SLC9A3: variants seen among roughly 807,000 people sequenced by gnomAD.
SLC9A3 encodes the protein solute carrier family 9 member A3.
SLC9A3 carries 37 observed loss-of-function variants against 86.8 expected under a neutral mutation model. The ratio of observed to expected loss-of-function variants is 0.43; its 90% CI spans 0.33 to 0.56. The LOEUF (loss-of-function observed/expected upper bound fraction) is 0.56. SLC9A3 is among the 20% of genes least tolerant of loss of function. The pLI is 0.06. For missense variants in SLC9A3, 1,011 were observed against 1,171.9 expected (o/e 0.86, Z 2.00); for synonymous variants, 581 against 528.3 (o/e 1.10, Z -1.37).
rs1211929075 is a variant in SLC9A3, at chr5:497,011, C to T, written c.212-4940G>A. ...TTGAGGCTGCAGTGAGCCAAGATCA[C>T]ACCACTACATTCCAGCCTGGGCGAC... On this transcript the variant is annotated intron_variant, in intron 1 of 16. Coordinates refer to ENST00000264938, the MANE Select transcript of SLC9A3 (RefSeq NM_004174.4). The surrounding 1 kb of genome is among the most constrained non-coding windows in gnomAD (Gnocchi z 5.4). 1.3e-5 allele frequency among the ~76,000 whole-genome samples: 2 copies of T among 152,114 alleles called. No individual in the cohort carries two copies. Among genetic ancestry groups the T allele is most frequent in the Non-Finnish European group, 2.9e-5 (2 of 68,006 alleles).
At chr5:509,993 G>T (rs896433706) in intron 1 of SLC9A3, among the ~76,000 whole-genome samples, 21 of 152,356 alleles carry the variant, frequency 1.4e-4, no homozygotes, top group Middle Eastern at 3.4e-3. Flanking sequence ...GAGCAAGGAT[G>T]GGGGAGGCTT....
At chr5:511,706 G>A (rs1187124759) in intron 1 of SLC9A3, among the ~76,000 whole-genome samples, 2 of 152,226 alleles carry the variant, frequency 1.3e-5, no homozygotes, top group African/African-American at 4.8e-5. Flanking sequence ...AGGGTGGCGC[G>A]GCCACTTGGA....
chr5:484,560 A>G lies in SLC9A3; in HGVS notation c.892T>C (p.Tyr298His). ...GFVFIISYLS[Y>H]LTSEMLSLSA... is the part of the protein sequence containing the mutation. ...AGCGACAGCATCTCGGACGTCAGGT[A>G]GGACAGGTAGGAGATGATGAACACG... Residue 298 changes from tyrosine (Y) to histidine (H), a missense_variant, in exon 5 of 17, where the codon TAC becomes CAC. Around this residue, in one of 3 missense-constraint regions of SLC9A3, gnomAD observed 565 missense variants for 790.0 expected, o/e 0.72. Transcript: ENST00000264938. The G allele has an allele frequency of 6.2e-7, 1 of 1,613,296 alleles. No homozygotes were observed. Among genetic ancestry groups the G allele is most frequent in the East Asian group, 2.2e-5 (1 of 44,870 alleles).
chr5:488,216 G>A, intron 3 of SLC9A3, 100 bp downstream of exon 3: 2 of 1,341,962 alleles, frequency 1.5e-6, no homozygotes, highest in Non-Finnish European at 2.1e-6. Context: ...TTTGAGGACA[G>A]GGTTTCACGC....
intron 2 of SLC9A3, among the ~76,000 whole-genome samples, chr5:490,558 C>G (rs1009637827): frequency 6.6e-6 from 1 of 152,212 alleles, no homozygotes; most frequent in Non-Finnish European, 1.5e-5. Context: ...CTCAAAGGAG[C>G]GGCCCTGACG....
chr5:499,406 C>T (rs971861770), intron 1 of SLC9A3, among the ~76,000 whole-genome samples: 8 of 152,252 alleles, frequency 5.3e-5, no homozygotes, highest in Admixed American at 4.6e-4. Flanking sequence ...TGCACACAGC[C>T]GGGGCCACCC....
At chr5:504,089 C>T (rs1009388226) in intron 1 of SLC9A3, among the ~76,000 whole-genome samples, 9 of 152,114 alleles carry the variant, frequency 5.9e-5, no homozygotes, top group Non-Finnish European at 4.4e-5. Flanking sequence ...TAGCATTCCC[C>T]GTGTTTTTGC....
rs898329582 is a variant in SLC9A3, at chr5:514,352, G to A, written c.211+9760C>T. Among the ~76,000 whole-genome samples, 5 of 152,248 alleles carry A rather than the reference G, an allele frequency of 3.3e-5. No homozygotes were observed. The South Asian group carries it at 6.2e-4, about 19-fold the overall frequency. On this transcript the variant is annotated intron_variant, in intron 1 of 16. Coordinates refer to ENST00000264938, the MANE Select transcript of SLC9A3 (RefSeq NM_004174.4). The stretch of plus-strand genomic sequence containing the variant: ...CCCTCCAGGGGCTCTGTCCCTCAGG[G>A]GGCTCTGAGGCCCAGCCTCCGGCCT...
rs1738719160 is a variant in SLC9A3 at position 476,196 on chromosome 5, C to A, written c.2067+6G>T. 1.2e-6 allele frequency: 2 copies of A among 1,613,612 alleles called. No homozygotes were observed. Among genetic ancestry groups the A allele is most frequent in the Non-Finnish European group, 1.7e-6 (2 of 1,179,864 alleles). On this transcript the variant is annotated splice_donor_region_variant and intron_variant, in intron 13 of 16. Coordinates refer to ENST00000264938, the MANE Select transcript of SLC9A3 (RefSeq NM_004174.4). ...CCCGCCAAGCCTCCTGGTGACCCAGCCTTACCCGCTTCTGGGCACGCTCCC... is the reference window on the plus strand; with the variant it reads ...CCCGCCAAGCCTCCTGGTGACCCAGACTTACCCGCTTCTGGGCACGCTCCC...
chr5:505,992 G>T (rs1224070746), intron 1 of SLC9A3, among the ~76,000 whole-genome samples: 1 of 152,006 alleles, frequency 6.6e-6, no homozygotes, highest in Non-Finnish European at 1.5e-5. Flanking sequence ...CAAATGCCCT[G>T]CAGGGGAGCA....
chr5:491,681 G>T lies in SLC9A3; in HGVS notation c.514+88C>A. ...ACTTACCGCCTGGAGGCCAGGGTGC[G>T]GCACCCCGACCTTTCTGAGATGAGG... On this transcript the variant is annotated intron_variant, in intron 2 of 16. Transcript: ENST00000264938. This position sits in a 1 kb window ranked among gnomAD's most constrained non-coding sequence, Gnocchi z 9.2. The T allele has an allele frequency of 8.0e-7, 1 of 1,246,922 alleles. No homozygotes were observed. The highest frequency in any genetic ancestry group is 1.6e-5 in the South Asian group (1 of 63,618). 77.2% of individuals were successfully genotyped at this position (1,246,922 alleles called of 1,614,324 possible). A position where few individuals can be genotyped will look rare whatever the true frequency, so the allele number is the denominator to read the frequency against.
Position 473,344 on chromosome 5 carries a change from A to C in SLC9A3, c.*35T>G. On this transcript the variant is annotated 3_prime_UTR_variant, in exon 17 of 17. Transcript: ENST00000264938. ...GCGGTGGGCGGACCGTGGCGCGGGG[A>C]CGAGCGGCCGGTTAGCGGCGTGTCG... is the stretch of plus-strand genomic sequence containing the variant. 5 of 1,415,250 alleles carry C rather than the reference A, an allele frequency of 3.5e-6. No homozygotes were observed. The highest frequency in any genetic ancestry group is 4.6e-6 in the Non-Finnish European group (5 of 1,078,548). 87.7% of individuals were successfully genotyped at this position (1,415,250 alleles called of 1,614,324 possible).
chr5:514,208 G>A (rs960353160), intron 1 of SLC9A3, among the ~76,000 whole-genome samples: 3 of 152,388 alleles, frequency 2.0e-5, no homozygotes, highest in South Asian at 2.1e-4. Context: ...TGGAAGTGGC[G>A]CTCACATGGG....
intron 2 of SLC9A3, among the ~76,000 whole-genome samples, chr5:489,130 G>T (rs914125293): frequency 3.9e-5 from 6 of 152,194 alleles, no homozygotes; most frequent in African/African-American, 1.4e-4. Flanking sequence ...CAGGCCTCGA[G>T]GAGGCCACGT....
rs1738356031 is a variant in SLC9A3 at position 471,502 on chromosome 5, G to T, written c.*1877C>A. 2 of 343,542 alleles carry T rather than the reference G, an allele frequency of 5.8e-6. No individual in the cohort carries two copies. Among genetic ancestry groups the T allele is most frequent in the East Asian group, 1.5e-4 (2 of 13,168 alleles). The allele number at this position is 343,542 out of a possible 1,614,324, so 21.3% of individuals were successfully genotyped here. On this transcript the variant is annotated 3_prime_UTR_variant, in exon 17 of 17. Transcript: ENST00000264938. ...AGCAGTTCAGATGGGACAAACTGGG[G>T]GCCTGTCAGAACAGCCACTTGTGCC...
At chr5:480,021 C>T (rs1006770414) in intron 9 of SLC9A3, 56 bp from the exon 10 acceptor site, 48 of 1,581,300 alleles carry the variant, frequency 3.0e-5, no homozygotes, top group South Asian at 2.9e-4. Context: ...TAGAGCCCGC[C>T]GGACGCGTGG....
intron 2 of SLC9A3, among the ~76,000 whole-genome samples, chr5:489,579 C>G (rs1001289697): frequency 2.6e-5 from 4 of 152,344 alleles, no homozygotes; most frequent in African/African-American, 7.2e-5. Flanking sequence ...CCAGCAGCCT[C>G]TGGCCAGTGT....
At chr5:512,008 A>G (rs145185065) in intron 1 of SLC9A3, among the ~76,000 whole-genome samples, 20 of 152,364 alleles carry the variant, frequency 1.3e-4, no homozygotes, top group Non-Finnish European at 2.6e-4. Context: ...AGCCGCTTTG[A>G]GAAGGCTGCA....
At chr5:486,319 A>C (rs1418825926) in intron 3 of SLC9A3, among the ~76,000 whole-genome samples, 1 of 152,086 alleles carries the variant, frequency 6.6e-6, no homozygotes, top group Non-Finnish European at 1.5e-5. Context: ...GACGGTTCCT[A>C]GGAGGGCCAC....
Sources: allele counts gnomAD v4.1 joint callset (sites outside exome capture counted in the v4.1 genomes callset), GRCh38; gene constraint gnomAD v4.1.1; regional missense constraint gnomAD v4.1.1; non-coding constraint Gnocchi (gnomAD v3.1); transcripts MANE v1.5; gene names NCBI Gene and HGNC (gene_info 2026-07-23, HGNC 2026-07-21).